ARHGAP15: variants seen among roughly 807,000 people sequenced by gnomAD.
The protein encoded by ARHGAP15 is rho GTPase-activating protein 15.
ARHGAP15 carries 51 observed loss-of-function variants against 63.7 expected under a neutral mutation model. The observed-to-expected ratio is 0.80, with a 90% CI of 0.64 to 1.01. The LOEUF (loss-of-function observed/expected upper bound fraction) is 1.01, where lower values mean the gene tolerates loss of function less well. Ranked by LOEUF, ARHGAP15 falls within the 50% of genes least tolerant of loss-of-function variation. The probability of loss-of-function intolerance (pLI) is 0.00; values close to 1 mark genes in which losing one functional copy is unlikely to be tolerated. For missense variants in ARHGAP15, 560 were observed against 564.6 expected (o/e 0.99, Z 0.08); for synonymous variants, 191 against 193.8 (o/e 0.99, Z 0.12).
At chr2:143,280,621 C>T (rs994140409) in intron 6 of ARHGAP15, among the ~76,000 whole-genome samples, 2 of 152,084 alleles carry the variant, frequency 1.3e-5, no homozygotes, top group Non-Finnish European at 2.9e-5. Flanking sequence ...GACAACATGG[C>T]TTTTCCTAGT....
chr2:143,671,294 T>A (rs1370584419), intron 12 of ARHGAP15, among the ~76,000 whole-genome samples: 1 of 152,116 alleles, frequency 6.6e-6, no homozygotes, highest in Admixed American at 6.5e-5. Context: ...TAGGTATGCA[T>A]GTATAGTACT....
chr2:143,191,870 G>A (rs1691694994), intron 2 of ARHGAP15, among the ~76,000 whole-genome samples: 1 of 152,120 alleles, frequency 6.6e-6, no homozygotes, highest in Non-Finnish European at 1.5e-5. Context: ...GTAAATGAAG[G>A]ACCCATCTTT....
intron 13 of ARHGAP15, among the ~76,000 whole-genome samples, chr2:143,711,398 A>G (rs7565663): frequency 2.6e-5 from 4 of 152,210 alleles, no homozygotes; most frequent in Non-Finnish European, 5.9e-5. Context: ...AGGACATGAA[A>G]CAAGCTATCT....
intron 6 of ARHGAP15, among the ~76,000 whole-genome samples, chr2:143,358,287 A>G (rs1386891978): frequency 1.3e-5 from 2 of 152,170 alleles, no homozygotes; most frequent in Non-Finnish European, 2.9e-5. Context: ...TTGGGTAGTG[A>G]CTGCCAGAAC....
chr2:143,376,008 C>T (rs924732396), intron 6 of ARHGAP15, among the ~76,000 whole-genome samples: 8 of 152,174 alleles, frequency 5.3e-5, no homozygotes, highest in African/African-American at 1.7e-4. Context: ...CAAATACACA[C>T]GCATGTGGCA....
At chr2:143,761,578 A>G (rs1686761170) in intron 13 of ARHGAP15, among the ~76,000 whole-genome samples, 1 of 152,170 alleles carries the variant, frequency 6.6e-6, no homozygotes, top group Admixed American at 6.6e-5. Context: ...TGGTCTTCTT[A>G]ATTCAGCATT....
At chr2:143,470,506 AT>A (rs904223581) in intron 8 of ARHGAP15, among the ~76,000 whole-genome samples, 10 of 148,588 alleles carry the variant, frequency 6.7e-5, no homozygotes, top group African/African-American at 2.5e-4. Flanking sequence ...TAAAAAAGGA[AT>A]TCATAATATT....
rs201853612 is a variant in ARHGAP15, at chr2:143,624,267, A to G, written c.1138A>G (p.Lys380Glu). 6.8e-6 allele frequency: 11 copies of G among 1,611,790 alleles called. No homozygotes were observed. The highest frequency in any genetic ancestry group is 9.3e-6 in the Non-Finnish European group (11 of 1,178,568). Residue 380 changes from lysine to glutamate, a missense_variant and splice_region_variant, in exon 12 of 14, where the codon AAA becomes GAA. Coordinates refer to ENST00000295095, the MANE Select transcript of ARHGAP15 (RefSeq NM_018460.4). ...SFFEQFVEAI[K>E]KQDNNTRIEA... The stretch of plus-strand genomic sequence containing the variant: ...CTTTGAGCAGTTTGTGGAAGCGATC[A>G]GTAAGTACCTCACAGAAAAGGGCAG...
At chr2:143,521,927 T>C (rs1429019432) in intron 10 of ARHGAP15, 1 of 152,200 alleles carries the variant, frequency 6.6e-6, no homozygotes, top group Non-Finnish European at 1.5e-5. Context: ...CATTAATTCA[T>C]TCATTTATCC....
intron 3 of ARHGAP15, among the ~76,000 whole-genome samples, chr2:143,203,566 A>C (rs1692209799): frequency 6.6e-6 from 1 of 152,128 alleles, no homozygotes. Flanking sequence ...GAAGCCCAAC[A>C]ACCACCAGTA....
At chr2:143,565,208 G>A (rs2105106067) in intron 11 of ARHGAP15, among the ~76,000 whole-genome samples, 1 of 152,198 alleles carries the variant, frequency 6.6e-6, no homozygotes, top group African/African-American at 2.4e-5. Context: ...GGGGAAGGGG[G>A]CAGAGAGATG....
chr2:143,646,007 G>T (rs2105286138), intron 12 of ARHGAP15, among the ~76,000 whole-genome samples: 1 of 152,164 alleles, frequency 6.6e-6, no homozygotes, highest in Admixed American at 6.6e-5. Flanking sequence ...GAATTGAAAA[G>T]CTCTTTCACC....
intron 11 of ARHGAP15, among the ~76,000 whole-genome samples, chr2:143,559,719 G>T (rs1432107654): frequency 1.3e-5 from 2 of 152,118 alleles, no homozygotes; most frequent in African/African-American, 4.8e-5. Flanking sequence ...ATCAGTGCTG[G>T]GTGCAAAGAG....
intron 5 of ARHGAP15, among the ~76,000 whole-genome samples, chr2:143,248,697 G>C (rs1694147023): frequency 6.6e-6 from 1 of 152,146 alleles, no homozygotes; most frequent in South Asian, 2.1e-4. Flanking sequence ...CCATGTGTTA[G>C]CCACAGTGCT....
chr2:143,626,744 C>G (rs1698851699), intron 12 of ARHGAP15, among the ~76,000 whole-genome samples: 2 of 152,150 alleles, frequency 1.3e-5, no homozygotes, highest in Admixed American at 6.5e-5. Context: ...CCCCTGCTAG[C>G]TACAGAGCGC....
intron 9 of ARHGAP15, among the ~76,000 whole-genome samples, chr2:143,500,988 C>G (rs1322030310): frequency 1.3e-5 from 2 of 152,092 alleles, no homozygotes; most frequent in Non-Finnish European, 2.9e-5. Flanking sequence ...GAATATAACA[C>G]TCCTAACATG....
At chr2:143,437,934 G>A (rs138670432) in intron 8 of ARHGAP15, among the ~76,000 whole-genome samples, 1,641 of 152,288 alleles carry the variant, frequency 0.011, 15 homozygotes, top group Middle Eastern at 0.031. Context: ...TGAGGCAGGA[G>A]AATTGCTTGA....
At chr2:143,380,020 AATG>A (rs1686995405) in intron 6 of ARHGAP15, among the ~76,000 whole-genome samples, 1 of 152,058 alleles carries the variant, frequency 6.6e-6, no homozygotes, top group Non-Finnish European at 1.5e-5. Flanking sequence ...TTCCAAAGAA[AATG>A]ATGAAGGAAG....
At chr2:143,711,671 T>C (rs531024999) in intron 13 of ARHGAP15, among the ~76,000 whole-genome samples, 2 of 152,174 alleles carry the variant, frequency 1.3e-5, no homozygotes, top group Non-Finnish European at 2.9e-5. Flanking sequence ...GCTCACTCAT[T>C]TAATCCTAGC....
Sources: allele counts gnomAD v4.1 joint callset (sites outside exome capture counted in the v4.1 genomes callset), GRCh38; gene constraint gnomAD v4.1.1; transcripts MANE v1.5; gene names NCBI Gene and HGNC (gene_info 2026-07-23, HGNC 2026-07-21).